Variants in STYX observed in about 807,000 individuals in gnomAD.
The protein encoded by STYX is serine/threonine/tyrosine interacting protein, also known as serine/threonine/tyrosine-interacting protein.
STYX carries 20 observed loss-of-function variants against 42.7 expected under a neutral mutation model. That is an observed-to-expected ratio of 0.47 (90% CI 0.33 to 0.68). The LOEUF is 0.68. Among genes scored for constraint, STYX ranks in the 30% least tolerant of loss-of-function variants. The pLI, the probability that STYX is intolerant of heterozygous loss-of-function variation, is 0.02. For synonymous variants in STYX, 78 were observed against 81.9 expected, an observed-to-expected ratio of 0.95 and a Z score of 0.26; for missense variants, 226 against 268.5, an observed-to-expected ratio of 0.84 and a Z score of 1.11.
intron 4 of STYX, among the ~76,000 whole-genome samples, chr14:52,753,766 G>C (rs956743235): frequency 1.3e-5 from 2 of 148,554 alleles, no homozygotes; most frequent in African/African-American, 4.9e-5. Context: ...ATTGTTGTCG[G>C]TTGAATCCAC....
intron 8 of STYX, 40 bp downstream of exon 8, chr14:52,757,964 T>C (rs377732600): frequency 1.9e-4 from 300 of 1,589,842 alleles, no homozygotes; most frequent in Admixed American, 3.9e-4. Flanking sequence ...GTTTAAATTC[T>C]CATTAAAATG....
In STYX at chr14:52,771,199, GT is replaced by G. The variant is rs568755679; in HGVS notation, c.*102del. ...ATGTAAAATGGTAAAAACATAAGTA[GT>G]TTTTTTTTCAATTACATGTTGCTTC... On this transcript the variant is annotated 3_prime_UTR_variant, in exon 11 of 11. Transcript: ENST00000354586. The G allele has an allele frequency of 5.9e-5, 70 of 1,192,306 alleles. No individual in the cohort carries two copies. Among genetic ancestry groups the G allele is most frequent in the Middle Eastern group, 2.0e-4 (1 of 4,940 alleles). The allele number at this position is 1,192,306 out of a possible 1,614,324, so 73.9% of individuals were successfully genotyped here.
chr14:52,762,893 T>C (rs1187467297), intron 9 of STYX, among the ~76,000 whole-genome samples: 2 of 132,530 alleles, frequency 1.5e-5, no homozygotes, highest in African/African-American at 5.7e-5. Flanking sequence ...TTTTTTTTTT[T>C]TTTTTTTTTT....
At chr14:52,743,536 G>A (rs911588846) in intron 1 of STYX, among the ~76,000 whole-genome samples, 55 of 151,996 alleles carry the variant, frequency 3.6e-4, no homozygotes, top group Admixed American at 3.4e-3. Flanking sequence ...AGCCGAGATC[G>A]CGCCACTGCA....
intron 4 of STYX, among the ~76,000 whole-genome samples, chr14:52,755,925 T>G (rs983480298): frequency 3.3e-4 from 50 of 152,336 alleles, no homozygotes; most frequent in African/African-American, 1.1e-3. Context: ...CAGGTACTTT[T>G]GTCTTTATTT....
intron 1 of STYX, among the ~76,000 whole-genome samples, chr14:52,737,931 A>G (rs529160130): frequency 1.3e-5 from 2 of 152,248 alleles, no homozygotes; most frequent in East Asian, 3.9e-4. Context: ...GCCCGCCACC[A>G]TGCCCGGCTA....
At position 52,730,201 on chromosome 14, in the gene STYX, G is replaced by T. The variant is rs938728073; in HGVS notation, c.-274G>T. On this transcript the variant is annotated 5_prime_UTR_variant, in exon 1 of 11. Coordinates refer to ENST00000354586, the MANE Select transcript of STYX (RefSeq NM_145251.4). Reference sequence around the variant, plus strand: ...CTGGTTCCTGTGCTGGATCCTGGGCGGCCTGAGGGGTACGGAGACTCTGGG... The same window carrying T: ...CTGGTTCCTGTGCTGGATCCTGGGCTGCCTGAGGGGTACGGAGACTCTGGG... The T allele has an allele frequency of 2.0e-5, 10 of 498,882 alleles. No individual in the cohort carries two copies. The highest frequency in any genetic ancestry group is 3.6e-5 in the Admixed American group (1 of 27,526). The allele number at this position is 498,882 out of a possible 1,614,324, so 30.9% of individuals were successfully genotyped here.
chr14:52,749,008 A>G (rs924939728), intron 3 of STYX, among the ~76,000 whole-genome samples: 2 of 152,258 alleles, frequency 1.3e-5, no homozygotes, highest in Non-Finnish European at 2.9e-5. Flanking sequence ...CTTGCAAATT[A>G]TATTGTCTTA....
chr14:52,766,242 C>T (rs1466321411), intron 9 of STYX, among the ~76,000 whole-genome samples: 3 of 152,306 alleles, frequency 2.0e-5, no homozygotes, highest in South Asian at 2.1e-4. Context: ...TCTTGGCTCA[C>T]TGCAACCTCT....
intron 2 of STYX, among the ~76,000 whole-genome samples, chr14:52,746,133 A>G (rs1172057388): frequency 5.3e-5 from 8 of 152,146 alleles, no homozygotes; most frequent in Non-Finnish European, 1.5e-5. Flanking sequence ...TATTAACTAT[A>G]GATAATAGTT....
At position 52,753,278 on chromosome 14, in the gene STYX, C is replaced by A. The variant is rs150279684; in HGVS notation, c.242+2498C>A. On this transcript the variant is annotated intron_variant, in intron 4 of 10. Coordinates refer to ENST00000354586, the MANE Select transcript of STYX (RefSeq NM_145251.4). ...ATCTTGGCCAGGCTGATCTTGAACT[C>A]CTGACCTCTTGATCCACCTGCCTCA... 7.7e-3 allele frequency among the ~76,000 whole-genome samples: 1,170 copies of A among 151,918 alleles called. 20 individuals are homozygous for A. The highest frequency in any genetic ancestry group is 0.026 in the African/African-American group (1,073 of 41,424).
chr14:52,739,371 A>G (rs1262490264), intron 1 of STYX, among the ~76,000 whole-genome samples: 1 of 152,110 alleles, frequency 6.6e-6, no homozygotes, highest in Non-Finnish European at 1.5e-5. Flanking sequence ...AGATAAATTC[A>G]AAAGTACTCA....
In STYX at chr14:52,768,797, A is replaced by G. The variant is rs189466875; in HGVS notation, c.505-43A>G. ...TAATCACTATTTTGGGTATCCAAGA[A>G]TGTAAATATATAATTAAGTTAATTA... is the stretch of plus-strand genomic sequence containing the variant. On this transcript the variant is annotated intron_variant, in intron 9 of 10. Coordinates refer to ENST00000354586, the MANE Select transcript of STYX (RefSeq NM_145251.4). 85 of 1,404,714 alleles carry G rather than the reference A, an allele frequency of 6.1e-5. 1 individual carries two copies. The East Asian group carries it at 2.1e-3, about 34-fold the overall frequency. The allele number at this position is 1,404,714 out of a possible 1,614,324, so 87.0% of individuals were successfully genotyped here.
intron 3 of STYX, among the ~76,000 whole-genome samples, chr14:52,750,324 G>T (rs556735932): frequency 1.3e-5 from 2 of 152,058 alleles, no homozygotes; most frequent in African/African-American, 2.4e-5. Flanking sequence ...TGTCTTAGTG[G>T]TTCTCTCTAA....
At chr14:52,754,022 A>T (rs1282156059) in intron 4 of STYX, among the ~76,000 whole-genome samples, 2 of 148,316 alleles carry the variant, frequency 1.3e-5, no homozygotes, top group African/African-American at 5.0e-5. Flanking sequence ...CCTGAGTAGC[A>T]GAGATTACAG....
At chr14:52,732,562 C>T (rs974498891) in intron 1 of STYX, among the ~76,000 whole-genome samples, 6 of 152,040 alleles carry the variant, frequency 3.9e-5, no homozygotes, top group South Asian at 4.2e-4. Flanking sequence ...CGTGAGCTAC[C>T]GCGCCCGGCC....
In STYX at chr14:52,768,938, G is replaced by A. The variant is rs1882410693; in HGVS notation, c.598+5G>A. 1.3e-6 allele frequency: 2 copies of A among 1,562,848 alleles called. No homozygotes were observed. The highest frequency in any genetic ancestry group is 1.7e-6 in the Non-Finnish European group (2 of 1,159,096). On this transcript the variant is annotated splice_donor_5th_base_variant and intron_variant, in intron 10 of 10. Coordinates refer to ENST00000354586, the MANE Select transcript of STYX (RefSeq NM_145251.4). Reference sequence around the variant, plus strand: ...CTGTTCATTCTGGTACCACAGGTAAGGATTTTTTTCTTTTTGGAGAAATTT... The same window carrying A: ...CTGTTCATTCTGGTACCACAGGTAAAGATTTTTTTCTTTTTGGAGAAATTT...
At position 52,730,385 on chromosome 14, in the gene STYX, C is replaced by G; in HGVS notation, c.-90C>G. The G allele has an allele frequency of 7.2e-7, 1 of 1,391,846 alleles. No individual in the cohort carries two copies. Among genetic ancestry groups the G allele is most frequent in the Non-Finnish European group, 1.0e-6 (1 of 996,006 alleles). 86.2% of individuals were successfully genotyped at this position (1,391,846 alleles called of 1,614,324 possible). A position where few individuals can be genotyped will look rare whatever the true frequency, so the allele number is the denominator to read the frequency against. ...CCTGTCAGCCCTCCGCTCCGCCGGCCCTCCTTCCTTCCGCCGCCGCAGCCA... is the reference window on the plus strand; with the variant it reads ...CCTGTCAGCCCTCCGCTCCGCCGGCGCTCCTTCCTTCCGCCGCCGCAGCCA... On this transcript the variant is annotated 5_prime_UTR_variant, in exon 1 of 11. Coordinates refer to ENST00000354586, the MANE Select transcript of STYX (RefSeq NM_145251.4).
intron 1 of STYX, among the ~76,000 whole-genome samples, chr14:52,737,718 G>A (rs1186026447): frequency 6.6e-6 from 1 of 152,122 alleles, no homozygotes; most frequent in Non-Finnish European, 1.5e-5. Context: ...GTGTTCAGAC[G>A]GATGTGTGGT....
Sources: allele counts gnomAD v4.1 joint callset (sites outside exome capture counted in the v4.1 genomes callset), GRCh38; gene constraint gnomAD v4.1.1; transcripts MANE v1.5; gene names NCBI Gene and HGNC (gene_info 2026-07-23, HGNC 2026-07-21).